Variants in KCNIP4 observed in about 807,000 individuals in gnomAD.
The protein encoded by KCNIP4 is potassium voltage-gated channel interacting protein 4.
KCNIP4 carries 12 observed loss-of-function variants against 34.0 expected under a neutral mutation model. The ratio of observed to expected loss-of-function variants is 0.35; its 90% CI spans 0.23 to 0.57. The LOEUF (loss-of-function observed/expected upper bound fraction) is 0.57. Ranked by LOEUF, KCNIP4 falls within the 20% of genes least tolerant of loss-of-function variation. KCNIP4 has a pLI of 0.83. For missense variants in KCNIP4, 238 were observed against 311.7 expected (o/e 0.76, Z 1.78); for synonymous variants, 124 against 102.2 (o/e 1.21, Z -1.29).
At chr4:20,845,034 T>C (rs1380918013) in intron 3 of KCNIP4, among the ~76,000 whole-genome samples, 1 of 152,190 alleles carries the variant, frequency 6.6e-6, no homozygotes, top group Admixed American at 6.5e-5. Flanking sequence ...GCTCTACAGG[T>C]GTTGCTGCTT....
chr4:20,779,294 G>A (rs1203982809), intron 3 of KCNIP4, among the ~76,000 whole-genome samples: 1 of 152,004 alleles, frequency 6.6e-6, no homozygotes, highest in Non-Finnish European at 1.5e-5. Context: ...GGATGTATAG[G>A]CATGTTACTG....
intron 1 of KCNIP4, among the ~76,000 whole-genome samples, chr4:21,541,180 C>CAAAAAAAAAAAAA (rs60459395): frequency 2.4e-4 from 26 of 107,458 alleles, no homozygotes; most frequent in African/African-American, 3.1e-4. Context: ...CAAAAGAAAA[C>CAAAAAAAAAAAAA]AAAAAAAAAA....
chr4:20,804,042 T>C (rs372911594), intron 3 of KCNIP4, among the ~76,000 whole-genome samples: 2 of 152,274 alleles, frequency 1.3e-5, no homozygotes, highest in South Asian at 4.1e-4. Context: ...CAGTAAAATA[T>C]TAAAAGTGAT....
chr4:21,597,573 G>A (rs184167771), intron 1 of KCNIP4, among the ~76,000 whole-genome samples: 1 of 152,234 alleles, frequency 6.6e-6, no homozygotes, highest in African/African-American at 2.4e-5. Context: ...TGCCATCAAA[G>A]CCACTTTCCT....
chr4:20,999,427 GTTTGTTTTTTGTTTT>G (rs1560634185), intron 1 of KCNIP4, among the ~76,000 whole-genome samples: 22 of 27,754 alleles, frequency 7.9e-4, no homozygotes, highest in Middle Eastern at 0.017. Context: ...TTTTTTTTTT[GTTTGTTTTTTGTTTT>G]TTTTTTTTTT....
chr4:21,767,691 A>C (rs1237944524), intron 1 of KCNIP4, among the ~76,000 whole-genome samples: 1 of 151,936 alleles, frequency 6.6e-6, no homozygotes, highest in Non-Finnish European at 1.5e-5. Flanking sequence ...AACGTTAAAT[A>C]ACTGTTTTTC....
chr4:20,756,737 T>G (rs915077619), intron 4 of KCNIP4, among the ~76,000 whole-genome samples: 2 of 152,102 alleles, frequency 1.3e-5, no homozygotes, highest in Non-Finnish European at 2.9e-5. Context: ...CAAAGAGACC[T>G]TCTGATCCTT....
In KCNIP4 at chr4:21,232,164, C is replaced by T. The variant is rs557244824; in HGVS notation, c.62-349455G>A. On this transcript the variant is annotated intron_variant, in intron 1 of 8. Coordinates refer to ENST00000382152, the MANE Select transcript of KCNIP4 (RefSeq NM_025221.6). ...GAGACAAATGTTTTTGTTCATTTCC[C>T]TGGTAAGCACAGGTACAAATTCCTT... 2.6e-3 allele frequency among the ~76,000 whole-genome samples: 389 copies of T among 152,178 alleles called. 1 individual carries two copies. Among genetic ancestry groups the T allele is most frequent in the African/African-American group, 8.8e-3 (367 of 41,530 alleles).
intron 1 of KCNIP4, among the ~76,000 whole-genome samples, chr4:21,170,017 T>C (rs1753904524): frequency 6.6e-6 from 1 of 152,132 alleles, no homozygotes; most frequent in African/African-American, 2.4e-5. Context: ...ATCAGAGCCT[T>C]AGTAAATAGA....
intron 3 of KCNIP4, among the ~76,000 whole-genome samples, chr4:20,819,236 GAT>G (rs1394752305): frequency 7.0e-6 from 1 of 142,660 alleles, no homozygotes; most frequent in African/African-American, 2.5e-5. Flanking sequence ...TTACGGATGA[GAT>G]AACAAAGTTA....
At chr4:21,532,496 A>G (rs1736770875) in intron 1 of KCNIP4, among the ~76,000 whole-genome samples, 1 of 152,222 alleles carries the variant, frequency 6.6e-6, no homozygotes, top group Admixed American at 6.5e-5. Flanking sequence ...TGCATGCTGA[A>G]AGACCACAGT....
At chr4:20,801,950 T>A (rs997735248) in intron 3 of KCNIP4, among the ~76,000 whole-genome samples, 3 of 151,676 alleles carry the variant, frequency 2.0e-5, no homozygotes, top group Admixed American at 6.6e-5. Context: ...AAAAGACACA[T>A]GTAACTAAAA....
intron 1 of KCNIP4, among the ~76,000 whole-genome samples, chr4:21,884,168 A>T (rs531488376): frequency 6.6e-6 from 1 of 152,284 alleles, no homozygotes; most frequent in African/African-American, 2.4e-5. Flanking sequence ...AACAACAATA[A>T]CATACATTTG....
At chr4:21,537,550 G>A (rs953722380) in intron 1 of KCNIP4, among the ~76,000 whole-genome samples, 3 of 152,134 alleles carry the variant, frequency 2.0e-5, no homozygotes, top group African/African-American at 4.8e-5. Context: ...ATCACCATCT[G>A]TACTGGGTTG....
chr4:20,874,587 A>G (rs1156705107), intron 2 of KCNIP4, among the ~76,000 whole-genome samples: 2 of 152,102 alleles, frequency 1.3e-5, no homozygotes, highest in African/African-American at 4.8e-5. Context: ...ATTTAATGAC[A>G]ACTTCTGGTA....
intron 1 of KCNIP4, among the ~76,000 whole-genome samples, chr4:21,714,607 T>TA (rs1714005002): frequency 6.6e-6 from 1 of 151,604 alleles, no homozygotes; most frequent in African/African-American, 2.4e-5. Context: ...CTTGGTAGCT[T>TA]TTAGTAGGTC....
intron 1 of KCNIP4, among the ~76,000 whole-genome samples, chr4:21,858,752 A>G (rs1338699876): frequency 6.6e-6 from 1 of 152,248 alleles, no homozygotes; most frequent in Non-Finnish European, 1.5e-5. Flanking sequence ...AAATTTTCTC[A>G]TAAATCAAAA....
At chr4:21,444,066 C>A (rs544696579) in intron 1 of KCNIP4, among the ~76,000 whole-genome samples, 29 of 152,240 alleles carry the variant, frequency 1.9e-4, no homozygotes, top group African/African-American at 7.0e-4. Flanking sequence ...CCTCCCAAGA[C>A]TAAACCAGGA....
At chr4:21,009,127 C>T (rs567679333) in intron 1 of KCNIP4, among the ~76,000 whole-genome samples, 3 of 152,210 alleles carry the variant, frequency 2.0e-5, no homozygotes, top group Non-Finnish European at 4.4e-5. Context: ...TTTGAAAATC[C>T]GATTAAAAGT....
Sources: gnomAD v4.1 joint callset for allele counts (sites outside exome capture counted in the v4.1 genomes callset) on GRCh38, gnomAD v4.1.1 for gene constraint, MANE v1.5 for transcripts, NCBI Gene and HGNC (gene_info 2026-07-23, HGNC 2026-07-21) for gene names.